MAN1C1: variants seen among roughly 807,000 people sequenced by gnomAD.
The protein encoded by MAN1C1 is mannosyl-oligosaccharide 1,2-alpha-mannosidase IC.
A neutral mutation model predicts 71.5 loss-of-function variants in MAN1C1; 49 were observed. The observed-to-expected ratio is 0.69, with a 90% CI of 0.54 to 0.87. The LOEUF is 0.87. Among genes scored for constraint, MAN1C1 ranks in the 40% least tolerant of loss-of-function variants. The probability of loss-of-function intolerance (pLI) is 0.00; values close to 1 mark genes in which losing one functional copy is unlikely to be tolerated. For synonymous variants in MAN1C1, 352 were observed against 343.7 expected, an observed-to-expected ratio of 1.02 and a Z score of -0.27; for missense variants, 743 against 835.0, an observed-to-expected ratio of 0.89 and a Z score of 1.36.
In MAN1C1 at chr1:25,778,107, G is replaced by C; in HGVS notation, c.1260G>C (p.Ala420=). The C allele has an allele frequency of 6.5e-7, 1 of 1,548,258 alleles. No homozygotes were observed. The highest frequency in any genetic ancestry group is 8.8e-7 in the Non-Finnish European group (1 of 1,141,928). The part of the protein sequence containing the change: ...AKNMYYEALE[A]IETYLLNVSP... ...CCCAATCCCCACCTTGCTCCCAGGC[G>C]ATAGAGACCTACTTGCTGAATGTCT... The change falls in exon 9 of 12, where the codon GCG becomes GCC. Residue 420 remains alanine, a splice_region_variant and synonymous_variant. Coordinates refer to ENST00000374332, the MANE Select transcript of MAN1C1 (RefSeq NM_020379.4). The surrounding 1 kb of genome is among the most constrained non-coding windows in gnomAD (Gnocchi z 5.5).
At chr1:25,619,888 T>C (rs1215900119) in intron 1 of MAN1C1, among the ~76,000 whole-genome samples, 1 of 152,192 alleles carries the variant, frequency 6.6e-6, no homozygotes, top group African/African-American at 2.4e-5. Context: ...AAATTACATA[T>C]AAATTGCATG....
chr1:25,641,602 A>G (rs1356247196), intron 1 of MAN1C1, among the ~76,000 whole-genome samples: 3 of 152,234 alleles, frequency 2.0e-5, no homozygotes, highest in Non-Finnish European at 2.9e-5. Flanking sequence ...CAATTAAATC[A>G]CAGATGCAAA....
intron 2 of MAN1C1, among the ~76,000 whole-genome samples, chr1:25,715,306 A>G (rs949579502): frequency 6.6e-6 from 1 of 152,144 alleles, no homozygotes; most frequent in African/African-American, 2.4e-5. Flanking sequence ...TCACATGATC[A>G]TTCCCATTGC....
Position 25,753,322 on chromosome 1 carries a change from C to T in MAN1C1, c.835-162C>T, listed in dbSNP as rs554711732. Among the ~76,000 whole-genome samples, 6 of 152,236 alleles carry T rather than the reference C, an allele frequency of 3.9e-5. No homozygotes were observed. Among genetic ancestry groups the T allele is most frequent in the Non-Finnish European group, 2.9e-5 (2 of 68,044 alleles). Reference sequence around the variant, plus strand: ...AGGCTCAGAAGTACCTTGCCAAAGTCCACGTGGCCAGCAGTTGGAAGAACC... The same window carrying T: ...AGGCTCAGAAGTACCTTGCCAAAGTTCACGTGGCCAGCAGTTGGAAGAACC... On this transcript the variant is annotated intron_variant, in intron 4 of 11. Coordinates refer to ENST00000374332, the MANE Select transcript of MAN1C1 (RefSeq NM_020379.4). This position sits in a 1 kb window ranked among gnomAD's most constrained non-coding sequence, Gnocchi z 4.9.
Position 25,686,453 on chromosome 1 carries a change from C to G in MAN1C1, c.554C>G (p.Ala185Gly), listed in dbSNP as rs2046232339. 1 of 1,614,026 alleles carries G rather than the reference C, an allele frequency of 6.2e-7. No individual in the cohort carries two copies. Among genetic ancestry groups the G allele is most frequent in the South Asian group, 1.1e-5 (1 of 91,078 alleles). ...REKIKEMMQF[A>G]WQSYKRYAMG... is the part of the protein sequence containing the mutation. ...TTTTTCTTGCAGATGATGCAGTTTG[C>G]TTGGCAGAGCTATAAGCGTTATGCA... Residue 185 changes from alanine to glycine, a missense_variant, in exon 2 of 12, where the codon GCT becomes GGT. Physicochemically the swap from Ala to Gly is moderately conservative, Grantham distance 60. Coordinates refer to ENST00000374332, the MANE Select transcript of MAN1C1 (RefSeq NM_020379.4).
intron 2 of MAN1C1, among the ~76,000 whole-genome samples, chr1:25,695,070 G>C (rs1393220199): frequency 6.6e-6 from 1 of 151,948 alleles, no homozygotes; most frequent in African/African-American, 2.4e-5. Flanking sequence ...TACTTGATGA[G>C]TTTTGGTTTT....
intron 1 of MAN1C1, among the ~76,000 whole-genome samples, chr1:25,659,512 GA>G (rs1366325329): frequency 6.6e-6 from 1 of 152,252 alleles, no homozygotes; most frequent in Non-Finnish European, 1.5e-5. Context: ...AAACCTGGGG[GA>G]GATTATGGAG....
At chr1:25,705,658 A>G (rs1353295782) in intron 2 of MAN1C1, among the ~76,000 whole-genome samples, 2 of 152,206 alleles carry the variant, frequency 1.3e-5, no homozygotes, top group African/African-American at 4.8e-5. Flanking sequence ...CTTTAAGTAT[A>G]TTATCAGTCA....
At chr1:25,766,754 C>T (rs1206795672) in intron 7 of MAN1C1, among the ~76,000 whole-genome samples, 2 of 152,128 alleles carry the variant, frequency 1.3e-5, no homozygotes, top group Admixed American at 6.5e-5. Context: ...ACCAGCCCCT[C>T]GGTGCGGCAC....
Position 25,753,507 on chromosome 1 carries a change from G to A in MAN1C1, c.858G>A (p.Arg286=). ...GEEVFRIKAI[R]LGEKLLPAFN... ...AGGTGTTCCGAATAAAGGCCATCAG[G>A]CTGGGAGAGAAGCTCCTGCCGGCGT... Residue 286 remains arginine, a synonymous_variant, in exon 5 of 12, where the codon AGG becomes AGA. Transcript: ENST00000374332. The surrounding 1 kb of genome is among the most constrained non-coding windows in gnomAD (Gnocchi z 4.9). 3.7e-6 allele frequency: 6 copies of A among 1,613,928 alleles called. No homozygotes were observed. Among genetic ancestry groups the A allele is most frequent in the Non-Finnish European group, 5.1e-6 (6 of 1,179,914 alleles).
At position 25,758,577 on chromosome 1, in the gene MAN1C1, C is replaced by T. The variant is rs770888860; in HGVS notation, c.930-15C>T. 1.2e-6 allele frequency: 2 copies of T among 1,613,376 alleles called. No homozygotes were observed. The highest frequency in any genetic ancestry group is 2.2e-5 in the South Asian group (2 of 91,064). ...GCCAAAGGGGGGATGACGGGGGCTG[C>T]TTCTGTCTTTTCAGTGGGAACTGGG... On this transcript the variant is annotated splice_polypyrimidine_tract_variant and intron_variant, in intron 5 of 11. Transcript: ENST00000374332.
intron 6 of MAN1C1, chr1:25,759,746 A>C (rs1017333946): frequency 6.6e-6 from 1 of 152,126 alleles, no homozygotes; most frequent in African/African-American, 2.4e-5. Flanking sequence ...TTTTTGACGC[A>C]TGGTTTGGGA....
At chr1:25,668,592 G>C (rs545709764) in intron 1 of MAN1C1, among the ~76,000 whole-genome samples, 2 of 148,716 alleles carry the variant, frequency 1.3e-5, no homozygotes, top group African/African-American at 2.5e-5. Flanking sequence ...GTCTTGCTCA[G>C]TCACCCAGGC....
chr1:25,650,525 C>T (rs931098183), intron 1 of MAN1C1, among the ~76,000 whole-genome samples: 5 of 152,176 alleles, frequency 3.3e-5, no homozygotes, highest in African/African-American at 7.2e-5. Context: ...GGGGAGCTCA[C>T]GACCCCCCGC....
At chr1:25,697,476 C>T (rs2046384159) in intron 2 of MAN1C1, among the ~76,000 whole-genome samples, 2 of 152,208 alleles carry the variant, frequency 1.3e-5, no homozygotes, top group South Asian at 4.1e-4. Flanking sequence ...ATTGTTTCTA[C>T]GTTTGTTTGC....
chr1:25,640,336 T>A (rs2045520352), intron 1 of MAN1C1, among the ~76,000 whole-genome samples: 1 of 152,240 alleles, frequency 6.6e-6, no homozygotes, highest in African/African-American at 2.4e-5. Flanking sequence ...AATGAACTTT[T>A]GAGAGGTTAA....
chr1:25,709,847 G>A (rs1250596044), intron 2 of MAN1C1: 2 of 152,234 alleles, frequency 1.3e-5, no homozygotes, highest in Admixed American at 6.5e-5. Context: ...CCGGGTTCAA[G>A]CGATTCTCCT....
chr1:25,749,483 C>T, intron 4 of MAN1C1, 148 bp downstream of exon 4: 2 of 584,932 alleles, frequency 3.4e-6, no homozygotes, highest in East Asian at 6.1e-5. Flanking sequence ...CCCCTGAGGG[C>T]CTGTTTTCCC....
In MAN1C1 at chr1:25,655,503, A is replaced by G. The variant is rs192610922; in HGVS notation, c.541-30937A>G. Among the ~76,000 whole-genome samples, 175 of 152,314 alleles carry G rather than the reference A, an allele frequency of 1.1e-3. 1 individual carries two copies. Among genetic ancestry groups the G allele is most frequent in the Non-Finnish European group, 5.9e-5 (4 of 68,026 alleles). On this transcript the variant is annotated intron_variant, in intron 1 of 11. Transcript: ENST00000374332. ...GTTTAAATCTCTTTCCTTGGCTTCA[A>G]GGGAGTGAGCTGAGTTTGACAAGCA... is the stretch of plus-strand genomic sequence containing the variant.
Sources: gnomAD v4.1 joint callset for allele counts (sites outside exome capture counted in the v4.1 genomes callset) on GRCh38, gnomAD v4.1.1 for gene constraint, Gnocchi (gnomAD v3.1) non-coding constraint, MANE v1.5 for transcripts, NCBI Gene and HGNC (gene_info 2026-07-23, HGNC 2026-07-21) for gene names.